MACROD2: variants seen among roughly 807,000 people sequenced by gnomAD.
The protein encoded by MACROD2 is ADP-ribose glycohydrolase MACROD2.
MACROD2 carries 36 observed loss-of-function variants against 70.4 expected under a neutral mutation model. The observed-to-expected ratio is 0.51, with a 90% CI of 0.39 to 0.68. The LOEUF (loss-of-function observed/expected upper bound fraction) is 0.68. MACROD2 is among the 30% of genes least tolerant of loss of function. The pLI is 0.00. For synonymous variants in MACROD2, 172 were observed against 178.8 expected (o/e 0.96, Z 0.30); for missense variants, 496 against 538.4 (o/e 0.92, Z 0.78).
At chr20:15,542,891 G>A (rs143387348) in intron 8 of MACROD2, among the ~76,000 whole-genome samples, 3 of 152,078 alleles carry the variant, frequency 2.0e-5, no homozygotes, top group Non-Finnish European at 4.4e-5. Flanking sequence ...CACGTCCTAC[G>A]CAGCACAACT....
At chr20:15,021,223 T>C (rs2075174840) in intron 5 of MACROD2, among the ~76,000 whole-genome samples, 1 of 112,420 alleles carries the variant, frequency 8.9e-6, no homozygotes, top group Non-Finnish European at 1.9e-5. Context: ...CACATACAGG[T>C]GTGCGTATAC....
At chr20:15,670,997 A>G (rs2049972468) in intron 8 of MACROD2, among the ~76,000 whole-genome samples, 1 of 152,220 alleles carries the variant, frequency 6.6e-6, no homozygotes, top group South Asian at 2.1e-4. Context: ...GTATAACAAA[A>G]CAACTTAATC....
At chr20:15,405,676 C>T (rs1248499574) in intron 6 of MACROD2, among the ~76,000 whole-genome samples, 2 of 152,142 alleles carry the variant, frequency 1.3e-5, no homozygotes, top group Non-Finnish European at 2.9e-5. Context: ...GTTAATTCCT[C>T]CCACCTTGCA....
intron 3 of MACROD2, among the ~76,000 whole-genome samples, chr20:14,301,994 T>G (rs906771086): frequency 1.3e-5 from 2 of 152,248 alleles, no homozygotes; most frequent in Admixed American, 1.3e-4. Context: ...TTTATTAGGA[T>G]AGATAGAACT....
chr20:14,351,171 G>A (rs574985686), intron 3 of MACROD2, among the ~76,000 whole-genome samples: 92 of 152,228 alleles, frequency 6.0e-4, no homozygotes, highest in African/African-American at 2.1e-3. Flanking sequence ...ACAATCTGAC[G>A]TCAGGTAATG....
intron 7 of MACROD2, among the ~76,000 whole-genome samples, chr20:15,489,827 G>C (rs963046046): frequency 6.6e-6 from 1 of 152,088 alleles, no homozygotes; most frequent in East Asian, 1.9e-4. Context: ...GGGTATGGAG[G>C]GGGTGTGGGC....
At chr20:14,532,363 G>T (rs897915775) in intron 4 of MACROD2, among the ~76,000 whole-genome samples, 1 of 150,154 alleles carries the variant, frequency 6.7e-6, no homozygotes, top group African/African-American at 2.4e-5. Flanking sequence ...GACTACAGGC[G>T]CCCGCCACCA....
intron 4 of MACROD2, among the ~76,000 whole-genome samples, chr20:14,527,716 A>G (rs2085251303): frequency 6.6e-6 from 1 of 152,240 alleles, no homozygotes; most frequent in Admixed American, 6.5e-5. Context: ...GAAAGAGTAC[A>G]TGTCTAGAAA....
In MACROD2 at chr20:14,085,714, C is replaced by T; in HGVS notation, c.257C>T (p.Ala86Val). 6.5e-7 allele frequency: 1 copy of T among 1,538,164 alleles called. No individual in the cohort carries two copies. Among genetic ancestry groups the T allele is most frequent in the Non-Finnish European group, 8.8e-7 (1 of 1,142,394 alleles). ...GACATCACATTGCTAGAGGTAGATGCTATAGTCAATGCCGGTGAGTAGTTG... is the reference window on the plus strand; with the variant it reads ...GACATCACATTGCTAGAGGTAGATGTTATAGTCAATGCCGGTGAGTAGTTG... ...RGDITLLEVDAIVNAANASLL... is the reference protein window; with the variant it reads ...RGDITLLEVDVIVNAANASLL... The change falls in exon 3 of 18, where the codon GCT (alanine) becomes GTT (valine). Residue 86 changes from alanine (A) to valine (V), a missense_variant. Transcript: ENST00000684519.
At chr20:15,040,925 A>C (rs185271341) in intron 5 of MACROD2, among the ~76,000 whole-genome samples, 2 of 152,198 alleles carry the variant, frequency 1.3e-5, no homozygotes, top group South Asian at 4.1e-4. Context: ...TTGTATAGAG[A>C]TAGTTTTCCA....
Position 14,986,644 on chromosome 20 carries a change from G to A in MACROD2, c.419-243296G>A, listed in dbSNP as rs16995200. On this transcript the variant is annotated intron_variant, in intron 5 of 17. Transcript: ENST00000684519. Reference sequence around the variant, plus strand: ...TAAACTTTTGAAAGCAGAAAAAGACGTTAAAAAATCTTACTGTGAGCCTGA... The same window carrying A: ...TAAACTTTTGAAAGCAGAAAAAGACATTAAAAAATCTTACTGTGAGCCTGA... Among the ~76,000 whole-genome samples the A allele has an allele frequency of 4.1e-3, 630 of 152,184 alleles. 3 individuals are homozygous for A. The highest frequency in any genetic ancestry group is 8.4e-3 in the African/African-American group (349 of 41,524).
chr20:14,523,814 G>A (rs183652657), intron 4 of MACROD2, among the ~76,000 whole-genome samples: 210 of 152,262 alleles, frequency 1.4e-3, no homozygotes, highest in African/African-American at 4.7e-3. Flanking sequence ...TCTTAACACC[G>A]TATCTGAGTA....
intron 8 of MACROD2, among the ~76,000 whole-genome samples, chr20:15,740,808 C>A (rs558878195): frequency 1.3e-5 from 2 of 151,858 alleles, no homozygotes; most frequent in Non-Finnish European, 2.9e-5. Context: ...ACCCTCATAT[C>A]CAGTAACCAG....
chr20:14,288,629 T>C lies in MACROD2; in HGVS notation c.271+202901T>C, dbSNP rs540967040. ...TTAACACCATGGGAGGTGAACCCAA[T>C]CTTAACTTTGTTCTTTTCTGTCATC... is the stretch of plus-strand genomic sequence containing the variant. On this transcript the variant is annotated intron_variant, in intron 3 of 17. Transcript: ENST00000684519. Among the ~76,000 whole-genome samples, 45 of 152,230 alleles carry C rather than the reference T, an allele frequency of 3.0e-4. 1 individual carries two copies. The highest frequency in any genetic ancestry group is 2.2e-3 in the Admixed American group (34 of 15,282).
intron 5 of MACROD2, among the ~76,000 whole-genome samples, chr20:15,156,431 G>A (rs2076307365): frequency 6.6e-6 from 1 of 151,940 alleles, no homozygotes; most frequent in African/African-American, 2.4e-5. Context: ...TCCCCCTTTG[G>A]TTTTCTTTTT....
rs576631671 is a variant in MACROD2, at chr20:15,115,653, G to A, written c.419-114287G>A. ...TAAAGATAGGATTTTAGAATCAGAA[G>A]TCTGGAAATGATACATGAAAATTGT... On this transcript the variant is annotated intron_variant, in intron 5 of 17. Transcript: ENST00000684519. Among the ~76,000 whole-genome samples, 6 of 152,280 alleles carry A rather than the reference G, an allele frequency of 3.9e-5. No individual in the cohort carries two copies. In the East Asian group the frequency reaches 9.6e-4, roughly 24 times the overall value.
chr20:15,312,775 A>G (rs1242433075), intron 6 of MACROD2, among the ~76,000 whole-genome samples: 1 of 152,214 alleles, frequency 6.6e-6, no homozygotes, highest in African/African-American at 2.4e-5. Context: ...TTCATGGTAT[A>G]TATACATCTA....
At chr20:15,916,466 G>A (rs2065317502) in intron 10 of MACROD2, among the ~76,000 whole-genome samples, 1 of 152,194 alleles carries the variant, frequency 6.6e-6, no homozygotes, top group African/African-American at 2.4e-5. Flanking sequence ...GCAAGAGGAG[G>A]AGACTTAAAA....
At chr20:14,071,250 G>GTTTTT (rs1569145178) in intron 2 of MACROD2, among the ~76,000 whole-genome samples, 8 of 61,084 alleles carry the variant, frequency 1.3e-4, no homozygotes, top group Admixed American at 3.5e-4. Flanking sequence ...ATTTCATCTT[G>GTTTTT]TGTTTTTTTT....
Sources: allele counts gnomAD v4.1 joint callset (sites outside exome capture counted in the v4.1 genomes callset), GRCh38; gene constraint gnomAD v4.1.1; transcripts MANE v1.5; gene names NCBI Gene and HGNC (gene_info 2026-07-23, HGNC 2026-07-21).